KIF16B: variants seen among roughly 807,000 people sequenced by gnomAD.
KIF16B encodes the protein kinesin-like protein KIF16B.
KIF16B carries 98 observed loss-of-function variants against 156.3 expected under a neutral mutation model. The ratio of observed to expected loss-of-function variants is 0.63; its 90% CI spans 0.53 to 0.74. The LOEUF is 0.74. Among genes scored for constraint, KIF16B ranks in the 30% least tolerant of loss-of-function variants. The pLI, the probability that KIF16B is intolerant of heterozygous loss-of-function variation, is 0.00. For missense variants in KIF16B, 1,421 were observed against 1,606.5 expected (o/e 0.88, Z 1.97); for synonymous variants, 564 against 583.7 (o/e 0.97, Z 0.49).
chr20:16,406,314 C>A, intron 16 of KIF16B, 60 bp downstream of exon 16: 1 of 1,398,196 alleles, frequency 7.2e-7, no homozygotes, highest in Non-Finnish European at 1.0e-6. Flanking sequence ...AGAGTGACCA[C>A]CACCCACTCA....
intron 25 of KIF16B, among the ~76,000 whole-genome samples, chr20:16,294,543 T>C (rs1317502144): frequency 6.6e-6 from 1 of 152,180 alleles, no homozygotes; most frequent in Non-Finnish European, 1.5e-5. Flanking sequence ...GGCCCACTTA[T>C]CCACAGACTT....
chr20:16,305,383 A>C (rs1030319567), intron 25 of KIF16B, among the ~76,000 whole-genome samples: 16 of 152,242 alleles, frequency 1.1e-4, no homozygotes, highest in Non-Finnish European at 2.2e-4. Flanking sequence ...TTCTGGGCTA[A>C]TATAGTGCTT....
At chr20:16,398,489 A>T (rs2065569231) in intron 17 of KIF16B, among the ~76,000 whole-genome samples, 1 of 152,212 alleles carries the variant, frequency 6.6e-6, no homozygotes, top group Admixed American at 6.5e-5. Flanking sequence ...GGACAGGCCC[A>T]CAAGTCTTCC....
chr20:16,338,334 G>C (rs925708926), intron 23 of KIF16B, among the ~76,000 whole-genome samples: 1 of 152,088 alleles, frequency 6.6e-6, no homozygotes, highest in African/African-American at 2.4e-5. Flanking sequence ...TCTCTACTCT[G>C]TGAGCATAGT....
intron 1 of KIF16B, among the ~76,000 whole-genome samples, chr20:16,545,524 G>T (rs867379889): frequency 6.6e-6 from 1 of 152,156 alleles, no homozygotes; most frequent in Non-Finnish European, 1.5e-5. Flanking sequence ...AATTAGCCAG[G>T]TGTGGTGGCA....
At chr20:16,367,483 C>T (rs763339223) in intron 22 of KIF16B, 1 of 1,612,926 alleles carries the variant, frequency 6.2e-7, no homozygotes, top group Non-Finnish European at 8.5e-7. Flanking sequence ...ATAAAAAACA[C>T]AGTCTTCCTT....
intron 1 of KIF16B, among the ~76,000 whole-genome samples, chr20:16,528,848 G>T (rs1215961309): frequency 6.6e-6 from 1 of 152,042 alleles, no homozygotes; most frequent in Non-Finnish European, 1.5e-5. Flanking sequence ...TTACAAGCAG[G>T]TGCTGCTTCC....
At chr20:16,301,894 C>A (rs2063477453) in intron 25 of KIF16B, among the ~76,000 whole-genome samples, 1 of 152,174 alleles carries the variant, frequency 6.6e-6, no homozygotes, top group Admixed American at 6.5e-5. Context: ...ATGTGATCTG[C>A]CTGCCTCGGC....
intron 25 of KIF16B, among the ~76,000 whole-genome samples, chr20:16,287,076 T>G (rs1445449894): frequency 6.6e-6 from 1 of 152,196 alleles, no homozygotes; most frequent in African/African-American, 2.4e-5. Flanking sequence ...AAAATGGTGG[T>G]TGTTTTTAAG....
chr20:16,369,104 C>T, intron 22 of KIF16B: 1 of 985,858 alleles, frequency 1.0e-6, no homozygotes, highest in Non-Finnish European at 1.2e-6. Flanking sequence ...TCTTGTGATG[C>T]TGAGGAAGTT....
At chr20:16,544,017 C>A (rs1360624036) in intron 1 of KIF16B, among the ~76,000 whole-genome samples, 1 of 152,136 alleles carries the variant, frequency 6.6e-6, no homozygotes, top group African/African-American at 2.4e-5. Context: ...AGCTTGGGAT[C>A]CCAGGGGAAC....
At chr20:16,329,377 G>A (rs1288144141) in intron 24 of KIF16B, among the ~76,000 whole-genome samples, 3 of 152,156 alleles carry the variant, frequency 2.0e-5, no homozygotes, top group African/African-American at 7.2e-5. Context: ...CTTCATGGGG[G>A]CTTTGTTTCT....
chr20:16,469,280 A>AAAAAAG, intron 12 of KIF16B, among the ~76,000 whole-genome samples: 1 of 147,638 alleles, frequency 6.8e-6, no homozygotes, highest in Non-Finnish European at 1.5e-5. Flanking sequence ...AAAAAAAAAA[A>AAAAAAG]TGGTCTCCTT....
At position 16,511,528 on chromosome 20, in the gene KIF16B, C is replaced by T. The variant is rs1423495274; in HGVS notation, c.447-1G>A. ...ACGTTCGTTATAAATTTCTAAGTAGCTAAAAATTTAAAATAAAATTGAATT... is the reference window on the plus strand; with the variant it reads ...ACGTTCGTTATAAATTTCTAAGTAGTTAAAAATTTAAAATAAAATTGAATT... On this transcript the variant is annotated splice_acceptor_variant, in intron 5 of 25. Transcript: ENST00000354981. LOFTEE classifies it high-confidence loss of function. 4 of 1,574,564 alleles carry T rather than the reference C, an allele frequency of 2.5e-6. No homozygotes were observed. In the East Asian group the frequency reaches 6.7e-5, roughly 26 times the overall value.
intron 7 of KIF16B, 109 bp from the exon 8 acceptor site, chr20:16,506,299 A>G: frequency 1.1e-6 from 1 of 910,538 alleles, no homozygotes; most frequent in Non-Finnish European, 1.7e-6. Flanking sequence ...CTCAGGGTAG[A>G]TATTTTTCAA....
chr20:16,527,895 T>C (rs556895084), intron 2 of KIF16B, among the ~76,000 whole-genome samples: 9 of 152,342 alleles, frequency 5.9e-5, no homozygotes, highest in Middle Eastern at 3.4e-3. Context: ...TTTAACTTTT[T>C]TTCCAGAAAA....
rs1202885817 is a variant in KIF16B at position 16,515,582 on chromosome 20, C to T, written c.314G>A (p.Gly105Glu). 1 of 1,608,560 alleles carries T rather than the reference C, an allele frequency of 6.2e-7. No homozygotes were observed. The highest frequency in any genetic ancestry group is 8.5e-7 in the Non-Finnish European group (1 of 1,175,126). Reference sequence around the variant, plus strand: ...CATCATAGTGTATGACTTTCCAGATCCAGTTTGCCCATATGCAAAGACACA... The same window carrying T: ...CATCATAGTGTATGACTTTCCAGATTCAGTTTGCCCATATGCAAAGACACA... ...NACVFAYGQT[G>E]SGKSYTMMGN... The change falls in exon 4 of 26, where the codon GGA (glycine) becomes GAA (glutamate). Residue 105 changes from glycine (G) to glutamate (E), a missense_variant. Physicochemically the swap from Gly to Glu is moderately conservative, Grantham distance 98. Coordinates refer to ENST00000354981, the MANE Select transcript of KIF16B (RefSeq NM_024704.5).
chr20:16,336,099 TA>T (rs1162019201), intron 23 of KIF16B, 84 bp from the exon 24 acceptor site: 3 of 793,380 alleles, frequency 3.8e-6, no homozygotes, highest in South Asian at 1.7e-5. Context: ...AAATTAAATT[TA>T]AAAAAAGTGA....
chr20:16,289,763 C>T (rs1017659087), intron 25 of KIF16B, among the ~76,000 whole-genome samples: 4 of 152,196 alleles, frequency 2.6e-5, no homozygotes, highest in African/African-American at 4.8e-5. Context: ...ATGGAGTGAA[C>T]CCAGGAGGCG....
Sources: allele counts gnomAD v4.1 joint callset (sites outside exome capture counted in the v4.1 genomes callset), GRCh38; gene constraint gnomAD v4.1.1; transcripts MANE v1.5; gene names NCBI Gene and HGNC (gene_info 2026-07-23, HGNC 2026-07-21).